BSPRY: variants seen among roughly 807,000 people sequenced by gnomAD.
The protein encoded by BSPRY is B box and SPRY domain-containing protein.
In BSPRY, 33 loss-of-function variants were observed where a neutral mutation model predicts 38.0. The observed-to-expected ratio is 0.87, with a 90% CI of 0.66 to 1.16. The LOEUF (loss-of-function observed/expected upper bound fraction) is 1.16, where lower values mean the gene tolerates loss of function less well. BSPRY is among the 50% of genes most tolerant of loss of function. BSPRY has a pLI of 0.00. For synonymous variants in BSPRY, 224 were observed against 228.5 expected, an observed-to-expected ratio of 0.98 and a Z score of 0.18; for missense variants, 523 against 533.2, an observed-to-expected ratio of 0.98 and a Z score of 0.19.
chr9:113,350,035 GACA>G (rs1833946835), intron 1 of BSPRY, among the ~76,000 whole-genome samples: 1 of 152,336 alleles, frequency 6.6e-6, no homozygotes, highest in Admixed American at 6.5e-5. Flanking sequence ...GTAGTTTGGG[GACA>G]ACAACAATAA....
At position 113,356,503 on chromosome 9, in the gene BSPRY, CA is replaced by C. The variant is rs11381750; in HGVS notation, c.300+2175del. The stretch of plus-strand genomic sequence containing the variant: ...TGGGCAACAGTGCGAGACTCTGTCT[CA>C]AAAAAAAAAGAAAGAAACACTTTGG... On this transcript the variant is annotated intron_variant, in intron 2 of 5. Transcript: ENST00000374183. 7.4e-5 allele frequency among the ~76,000 whole-genome samples: 11 copies of C among 148,748 alleles called. No homozygotes were observed. The East Asian group carries it at 1.2e-3, about 16-fold the overall frequency.
At chr9:113,355,701 G>A (rs930009601) in intron 2 of BSPRY, among the ~76,000 whole-genome samples, 7 of 150,626 alleles carry the variant, frequency 4.6e-5, no homozygotes, top group African/African-American at 1.7e-4. Flanking sequence ...TGAAACCTCC[G>A]TCTCCTGGGT....
intron 1 of BSPRY, among the ~76,000 whole-genome samples, chr9:113,352,968 A>G (rs1353611052): frequency 6.6e-6 from 1 of 152,204 alleles, no homozygotes; most frequent in East Asian, 1.9e-4. Context: ...TAACAGGTGA[A>G]TGATTGATGG....
In BSPRY at chr9:113,369,961, A is replaced by G; in HGVS notation, c.1028A>G (p.Glu343Gly). ...CGTTTCTCACACAATGGGCAGCACGAGCCCCTGGGGCTGCTGCGGGGCCCA... is the reference window on the plus strand; with the variant it reads ...CGTTTCTCACACAATGGGCAGCACGGGCCCCTGGGGCTGCTGCGGGGCCCA... ...EFRFSHNGQH[E>G]PLGLLRGPAQ... Residue 343 changes from glutamate to glycine, a missense_variant, in exon 6 of 6, where the codon GAG becomes GGG. Physicochemically the swap from Glu to Gly is moderately conservative, Grantham distance 98. Coordinates refer to ENST00000374183, the MANE Select transcript of BSPRY (RefSeq NM_017688.3). The G allele has an allele frequency of 1.9e-6, 3 of 1,614,112 alleles. No individual in the cohort carries two copies. The highest frequency in any genetic ancestry group is 2.5e-6 in the Non-Finnish European group (3 of 1,180,024).
chr9:113,359,567 A>T lies in BSPRY; in HGVS notation c.301-940A>T, dbSNP rs144138300. On this transcript the variant is annotated intron_variant, in intron 2 of 5. Transcript: ENST00000374183. ...GTTCTATTCCCACTTGTCTGGCAAG[A>T]GTACAAGTGCAGCTGCCTTATGCAA... Among the ~76,000 whole-genome samples, 70 of 152,342 alleles carry T rather than the reference A, an allele frequency of 4.6e-4. 1 individual carries two copies. The East Asian group carries it at 9.1e-3, about 20-fold the overall frequency.
Position 113,359,210 on chromosome 9 carries a change from A to G in BSPRY, c.301-1297A>G, listed in dbSNP as rs75047439. ...ATCCTCATTTTACAGATTAGAAAAT[A>G]GAGGCATAGGGAAGATAAGGAATAT... On this transcript the variant is annotated intron_variant, in intron 2 of 5. Transcript: ENST00000374183. Among the ~76,000 whole-genome samples the G allele has an allele frequency of 7.7e-3, 1,180 of 152,352 alleles. 22 individuals are homozygous for G. Among genetic ancestry groups the G allele is most frequent in the African/African-American group, 0.027 (1,128 of 41,570 alleles).
At chr9:113,356,038 T>C (rs1448910475) in intron 2 of BSPRY, among the ~76,000 whole-genome samples, 1 of 152,202 alleles carries the variant, frequency 6.6e-6, no homozygotes, top group Non-Finnish European at 1.5e-5. Flanking sequence ...CATTCTCCAG[T>C]GAACAAAACA....
Position 113,369,804 on chromosome 9 carries a change from A to C in BSPRY, c.871A>C (p.Asn291His), listed in dbSNP as rs921678137. The change falls in exon 6 of 6, where the codon AAT becomes CAT. Residue 291 changes from asparagine to histidine, a missense_variant. Coordinates refer to ENST00000374183, the MANE Select transcript of BSPRY (RefSeq NM_017688.3). ...FQNGLHAWMV[N>H]VQNSCAYKVG... Reference sequence around the variant, plus strand: ...GAATGGGCTCCATGCCTGGATGGTGAATGTCCAGAACAGTTGTGCCTATAA... The same window carrying C: ...GAATGGGCTCCATGCCTGGATGGTGCATGTCCAGAACAGTTGTGCCTATAA... 2.5e-6 allele frequency: 4 copies of C among 1,614,100 alleles called. No homozygotes were observed. In the African/African-American group the frequency reaches 5.3e-5, roughly 22 times the overall value.
At chr9:113,369,407 C>T (rs1292112123) in intron 5 of BSPRY, among the ~76,000 whole-genome samples, 3 of 152,164 alleles carry the variant, frequency 2.0e-5, no homozygotes, top group Non-Finnish European at 4.4e-5. Context: ...ACATGCTGGG[C>T]ACTTTACATG....
In BSPRY at chr9:113,368,285, A is replaced by G. The variant is rs1834283816; in HGVS notation, c.584A>G (p.Asp195Gly). The G allele has an allele frequency of 6.2e-7, 1 of 1,613,990 alleles. No homozygotes were observed. Among genetic ancestry groups the G allele is most frequent in the Non-Finnish European group, 8.5e-7 (1 of 1,180,018 alleles). ...ERTEEAEGIL[D>G]PQESEMLNFN... is the part of the protein sequence containing the mutation. ...ACCGAAGAAGCAGAGGGCATTTTGG[A>G]TCCCCAGGAGTCGGAAATGTTAAAC... The change falls in exon 5 of 6, where the codon GAT (aspartate) becomes GGT (glycine). Residue 195 changes from aspartate to glycine, a missense_variant. Physicochemically the swap from Asp to Gly is moderately conservative, Grantham distance 94. Transcript: ENST00000374183.
chr9:113,356,398 G>T (rs558311687), intron 2 of BSPRY, among the ~76,000 whole-genome samples: 68 of 152,214 alleles, frequency 4.5e-4, no homozygotes, highest in African/African-American at 1.6e-3. Context: ...TCAGCTACTT[G>T]GGAGGCTGAG....
chr9:113,359,804 T>C (rs926343876), intron 2 of BSPRY, among the ~76,000 whole-genome samples: 15 of 152,092 alleles, frequency 9.9e-5, no homozygotes, highest in Non-Finnish European at 1.6e-4. Flanking sequence ...TGGGGCTGAG[T>C]TGGGCTTATT....
intron 4 of BSPRY, among the ~76,000 whole-genome samples, chr9:113,363,241 T>C (rs548534873): frequency 2.4e-4 from 37 of 151,612 alleles, no homozygotes; most frequent in South Asian, 2.1e-3. Flanking sequence ...AAGCTAGGAG[T>C]TTGAGACCAG....
At position 113,360,755 on chromosome 9, in the gene BSPRY, G is replaced by A; in HGVS notation, c.531+18G>A. On this transcript the variant is annotated intron_variant, in intron 3 of 5. Transcript: ENST00000374183. ...AGCTGATTGTAAGTCAGGCAAGGGT[G>A]AGGGCATGACCAGTTGGCCAGGCTC... 1 of 1,557,208 alleles carries A rather than the reference G, an allele frequency of 6.4e-7. No individual in the cohort carries two copies.
At position 113,369,757 on chromosome 9, in the gene BSPRY, C is replaced by A. The variant is rs769402253; in HGVS notation, c.824C>A (p.Ala275Asp). The change falls in exon 6 of 6, where the codon GCC becomes GAC. Residue 275 changes from alanine (A) to aspartate (D), a missense_variant. Ala to Asp is a moderately radical substitution (Grantham distance 126). Transcript: ENST00000374183. ...GPERFDHWPN[A>D]LAATSFQNGL... is the part of the protein sequence containing the mutation. ...GAGCGCTTCGACCACTGGCCCAATG[C>A]CCTGGCTGCCACCTCCTTCCAGAAT... The A allele has an allele frequency of 1.2e-6, 2 of 1,614,236 alleles. No individual in the cohort carries two copies. The highest frequency in any genetic ancestry group is 1.7e-6 in the Non-Finnish European group (2 of 1,180,036).
At chr9:113,362,469 C>A (rs1834172173) in intron 4 of BSPRY, 75 bp downstream of exon 4, 1 of 1,478,798 alleles carries the variant, frequency 6.8e-7, no homozygotes, top group Admixed American at 1.7e-5. Flanking sequence ...CTGCCTTCAG[C>A]CCTGCTGCTC....
intron 4 of BSPRY, among the ~76,000 whole-genome samples, chr9:113,363,826 T>A (rs940283661): frequency 7.7e-6 from 1 of 129,562 alleles, no homozygotes; most frequent in Non-Finnish European, 1.5e-5. Context: ...TGCAGTGAGC[T>A]GAGATGCGCC....
chr9:113,349,836 GC>G, intron 1 of BSPRY, 56 bp downstream of exon 1: 1 of 1,207,932 alleles, frequency 8.3e-7, no homozygotes, highest in South Asian at 4.0e-5. Flanking sequence ...GGCGCGCCTG[GC>G]GGGACCCGGC....
rs1834325028 is a variant in BSPRY, at chr9:113,370,193, G to A, written c.*51G>A. The A allele has an allele frequency of 6.6e-7, 1 of 1,507,600 alleles. No homozygotes were observed. Among genetic ancestry groups the A allele is most frequent in the East Asian group, 2.3e-5 (1 of 43,922 alleles). 93.4% of individuals were successfully genotyped at this position (1,507,600 alleles called of 1,614,324 possible). A position where few individuals can be genotyped will look rare whatever the true frequency, so the allele number is the denominator to read the frequency against. On this transcript the variant is annotated 3_prime_UTR_variant, in exon 6 of 6. Transcript: ENST00000374183. The surrounding 1 kb of genome is among the most constrained non-coding windows in gnomAD (Gnocchi z 4.8). ...ACCGCCCACCACCCTTTCAGGCCAT[G>A]TTTCTACTCAGTGTGCTTTTCCCAA... is the stretch of plus-strand genomic sequence containing the variant.
Sources: allele counts gnomAD v4.1 joint callset (sites outside exome capture counted in the v4.1 genomes callset), GRCh38; gene constraint gnomAD v4.1.1; non-coding constraint Gnocchi (gnomAD v3.1); transcripts MANE v1.5; gene names NCBI Gene and HGNC (gene_info 2026-07-23, HGNC 2026-07-21).